Variants in ITGA11 observed in about 807,000 individuals in gnomAD.
ITGA11 encodes the protein integrin subunit alpha 11.
In ITGA11, 97 loss-of-function variants were observed where a neutral mutation model predicts 141.9. The ratio of observed to expected loss-of-function variants is 0.68; its 90% CI spans 0.58 to 0.81. The LOEUF (loss-of-function observed/expected upper bound fraction) is 0.81, where lower values mean the gene tolerates loss of function less well. ITGA11 is among the 30% of genes least tolerant of loss of function. The pLI, the probability that ITGA11 is intolerant of heterozygous loss-of-function variation, is 0.00. For synonymous variants in ITGA11, 658 were observed against 624.6 expected, an observed-to-expected ratio of 1.05 and a Z score of -0.80; for missense variants, 1,387 against 1,559.2, an observed-to-expected ratio of 0.89 and a Z score of 1.86.
At chr15:68,316,159 T>G (rs1344649893) in intron 21 of ITGA11, among the ~76,000 whole-genome samples, 1 of 152,178 alleles carries the variant, frequency 6.6e-6, no homozygotes, top group Non-Finnish European at 1.5e-5. Context: ...GACTGCCTTG[T>G]CCACCTCTTC....
chr15:68,400,858 TAA>T lies in ITGA11; in HGVS notation c.164+2058_164+2059del, dbSNP rs1173812912. Among the ~76,000 whole-genome samples, 6 of 36,576 alleles carry T rather than the reference TAA, an allele frequency of 1.6e-4. 1 individual carries two copies. The highest frequency in any genetic ancestry group is 2.3e-4 in the Non-Finnish European group (5 of 22,150). 24.0% of individuals were successfully genotyped at this position (36,576 alleles called of 152,430 possible). ...AAATATTATATTATATATTATATAATAAATATAATATTATATATTATATAATA... is the reference window on the plus strand; with the variant it reads ...AAATATTATATTATATATTATATAATATATAATATTATATATTATATAATA... On this transcript the variant is annotated intron_variant, in intron 2 of 29. Transcript: ENST00000315757.
In ITGA11 at chr15:68,358,712, A is replaced by T. The variant is rs1040337596; in HGVS notation, c.473-127T>A. 3.7e-6 allele frequency: 4 copies of T among 1,071,862 alleles called. No individual in the cohort carries two copies. The Admixed American group carries it at 9.5e-5, about 26-fold the overall frequency. The allele number at this position is 1,071,862 out of a possible 1,614,324, so 66.4% of individuals were successfully genotyped here. ...ATATGTGTAATTCCCTGGGCTGGGA[A>T]ACTGTCCTTGGGTTGGACATTTATT... On this transcript the variant is annotated intron_variant, in intron 5 of 29. Transcript: ENST00000315757.
At chr15:68,405,159 C>CTTTTTTTTTTTTTTTT (rs201537337) in intron 1 of ITGA11, among the ~76,000 whole-genome samples, 4 of 118,942 alleles carry the variant, frequency 3.4e-5, no homozygotes, top group African/African-American at 6.3e-5. Flanking sequence ...CACTGTCTCC[C>CTTTTTTTTTTTTTTTT]TTTTTTTTTT....
intron 2 of ITGA11, among the ~76,000 whole-genome samples, chr15:68,370,261 C>T (rs11856183): frequency 0.74 from 112,581 of 152,116 alleles, 42,613 homozygotes; most frequent in East Asian, 0.98. Flanking sequence ...CTTACATGTA[C>T]CTAGGGAAAA....
At chr15:68,398,699 T>C (rs1390357939) in intron 2 of ITGA11, among the ~76,000 whole-genome samples, 1 of 147,224 alleles carries the variant, frequency 6.8e-6, no homozygotes, top group Non-Finnish European at 1.5e-5. Flanking sequence ...TATGAAAATA[T>C]ATTTACATTA....
intron 2 of ITGA11, among the ~76,000 whole-genome samples, chr15:68,370,096 C>G (rs74953508): frequency 0.024 from 3,709 of 152,256 alleles, 133 homozygotes; most frequent in African/African-American, 0.082. Flanking sequence ...GATTCTCCCC[C>G]AGAGCCTGCG....
chr15:68,321,534 T>G lies in ITGA11; in HGVS notation c.2323-31A>C. ...CCAGGGAGAGCCAGGTGTGGGCAGC[T>G]GGGTAGGGACCCGCAGCCCCTCGCC... On this transcript the variant is annotated intron_variant, in intron 18 of 29. Transcript: ENST00000315757. This position sits in a 1 kb window ranked among gnomAD's most constrained non-coding sequence, Gnocchi z 4.9. 1 of 1,498,150 alleles carries G rather than the reference T, an allele frequency of 6.7e-7. No homozygotes were observed. The highest frequency in any genetic ancestry group is 9.1e-7 in the Non-Finnish European group (1 of 1,093,514). 92.8% of individuals were successfully genotyped at this position (1,498,150 alleles called of 1,614,324 possible). A position where few individuals can be genotyped will look rare whatever the true frequency, so the allele number is the denominator to read the frequency against.
intron 1 of ITGA11, among the ~76,000 whole-genome samples, chr15:68,426,645 T>G (rs1192367490): frequency 6.6e-6 from 1 of 152,144 alleles, no homozygotes. Context: ...TTCCTCCATT[T>G]CTCAGCTGTT....
At chr15:68,399,201 C>T (rs756425890) in intron 2 of ITGA11, among the ~76,000 whole-genome samples, 4 of 151,880 alleles carry the variant, frequency 2.6e-5, no homozygotes, top group Non-Finnish European at 5.9e-5. Flanking sequence ...ACATACAAGC[C>T]GCCAAGAAAC....
At chr15:68,425,014 C>T (rs1037812104) in intron 1 of ITGA11, among the ~76,000 whole-genome samples, 1 of 152,208 alleles carries the variant, frequency 6.6e-6, no homozygotes, top group African/African-American at 2.4e-5. Context: ...TGTGGGGTGC[C>T]TTCTCCATGT....
intron 2 of ITGA11, among the ~76,000 whole-genome samples, chr15:68,369,585 G>A (rs956554433): frequency 6.6e-6 from 1 of 152,208 alleles, no homozygotes; most frequent in African/African-American, 2.4e-5. Flanking sequence ...GGTAGAGGAG[G>A]GGGCGATGTT....
At chr15:68,379,654 G>A (rs1373332432) in intron 2 of ITGA11, among the ~76,000 whole-genome samples, 1 of 152,144 alleles carries the variant, frequency 6.6e-6, no homozygotes. Flanking sequence ...AGGTGGCTGT[G>A]GTCTGTTCTC....
chr15:68,311,880 A>G (rs1262588191), intron 24 of ITGA11, among the ~76,000 whole-genome samples: 4 of 152,240 alleles, frequency 2.6e-5, no homozygotes, highest in African/African-American at 9.6e-5. Flanking sequence ...GTGCCAGGAC[A>G]GCAGTGATTC....
At chr15:68,310,475 G>A (rs759000888) in intron 26 of ITGA11, among the ~76,000 whole-genome samples, 1 of 152,232 alleles carries the variant, frequency 6.6e-6, no homozygotes, top group Non-Finnish European at 1.5e-5. Context: ...TCTGGAGGCA[G>A]AGGCAACCCT....
chr15:68,397,790 ATATAAAATTAT>A (rs1566937448), intron 2 of ITGA11, among the ~76,000 whole-genome samples: 4 of 111,268 alleles, frequency 3.6e-5, no homozygotes, highest in African/African-American at 1.2e-4. Context: ...ATTTAAAATA[ATATAAAATTAT>A]TAATAATAAT....
chr15:68,306,202 AAG>A (rs1893189007), intron 28 of ITGA11, among the ~76,000 whole-genome samples: 1 of 149,072 alleles, frequency 6.7e-6, no homozygotes, highest in African/African-American at 2.5e-5. Flanking sequence ...AAAAAAAAAA[AAG>A]GGAGTGAGGC....
At position 68,351,279 on chromosome 15, in the gene ITGA11, G is replaced by T; in HGVS notation, c.873C>A (p.Asn291Lys). ...EKVIQQSERD[N>K]VTRYAVAVLG... ...TTACGGCCACCGCATATCTTGTTAC[G>T]TTGTCTCTTTCGCTTTGCTGGATCA... The change falls in exon 8 of 30, where the codon AAC becomes AAA. Residue 291 changes from asparagine to lysine, a missense_variant. Asn to Lys is a moderately conservative substitution (Grantham distance 94). Coordinates refer to ENST00000315757, the MANE Select transcript of ITGA11 (RefSeq NM_001004439.2). The T allele has an allele frequency of 6.2e-7, 1 of 1,614,000 alleles. No individual in the cohort carries two copies. The highest frequency in any genetic ancestry group is 1.1e-5 in the South Asian group (1 of 91,088).
rs1257613635 is a variant in ITGA11, at chr15:68,333,857, G to C, written c.1426-1379C>G. Among the ~76,000 whole-genome samples the C allele has an allele frequency of 6.6e-6, 1 of 152,144 alleles. No homozygotes were observed. Among genetic ancestry groups the C allele is most frequent in the Non-Finnish European group, 1.5e-5 (1 of 68,022 alleles). Reference sequence around the variant, plus strand: ...CCTGCTCCCACTGCAGTGCTCCCGGGTCCTGCCAAACTGAGTTATTTCTCT... The same window carrying C: ...CCTGCTCCCACTGCAGTGCTCCCGGCTCCTGCCAAACTGAGTTATTTCTCT... On this transcript the variant is annotated intron_variant, in intron 12 of 29. Coordinates refer to ENST00000315757, the MANE Select transcript of ITGA11 (RefSeq NM_001004439.2). The surrounding 1 kb of genome is among the most constrained non-coding windows in gnomAD (Gnocchi z 4.2).
intron 10 of ITGA11, among the ~76,000 whole-genome samples, chr15:68,344,453 G>A (rs1040792323): frequency 1.3e-5 from 2 of 152,120 alleles, no homozygotes; most frequent in East Asian, 1.9e-4. Flanking sequence ...GAACCTTAGC[G>A]AATAGCCAAT....
Sources: allele counts gnomAD v4.1 joint callset (sites outside exome capture counted in the v4.1 genomes callset), GRCh38; gene constraint gnomAD v4.1.1; non-coding constraint Gnocchi (gnomAD v3.1); transcripts MANE v1.5; gene names NCBI Gene and HGNC (gene_info 2026-07-23, HGNC 2026-07-21).